The following SPMIP2 variants were observed in gnomAD, a reference collection of about 807,000 sequenced individuals.
The protein encoded by SPMIP2 is protein SPMIP2.
At chr4:158,925,347 A>C in the SPMIP2 span, among the ~76,000 whole-genome samples, 96,579 of 152,090 alleles carry the variant, frequency 0.64, 31,052 homozygotes, top group East Asian at 0.9. Flanking sequence ...CTCCCTTATA[A>C]TAATTCTTAT....
At chr4:158,995,062 A>G in the SPMIP2 span, among the ~76,000 whole-genome samples, 6 of 152,184 alleles carry the variant, frequency 3.9e-5, no homozygotes, top group African/African-American at 1.2e-4. Flanking sequence ...CTATTCTTAA[A>G]TGATAAACTT....
At chr4:159,001,556 C>T in the SPMIP2 span, among the ~76,000 whole-genome samples, 1 of 152,108 alleles carries the variant, frequency 6.6e-6, no homozygotes, top group Non-Finnish European at 1.5e-5. Context: ...TCTGTGAGTT[C>T]TCATCATTTA....
At chr4:159,048,307 G>A in the SPMIP2 span, among the ~76,000 whole-genome samples, 1 of 152,314 alleles carries the variant, frequency 6.6e-6, no homozygotes, top group African/African-American at 2.4e-5. Context: ...TAGGCAGGGC[G>A]CGCTGGAATG....
At chr4:158,904,523 T>G in the SPMIP2 span, 2 of 1,613,246 alleles carry the variant, frequency 1.2e-6, no homozygotes, top group South Asian at 2.2e-5. Context: ...ATTCTCCTTA[T>G]GTGGCTCAAA....
chr4:158,963,883 C>T, the SPMIP2 span, among the ~76,000 whole-genome samples: 1 of 152,010 alleles, frequency 6.6e-6, no homozygotes, highest in Non-Finnish European at 1.5e-5. Context: ...AGGGGTCAGC[C>T]GAGTACGGTG....
chr4:159,004,289 CTT>C, the SPMIP2 span, among the ~76,000 whole-genome samples: 281 of 78,922 alleles, frequency 3.6e-3, no homozygotes, highest in African/African-American at 0.013. Context: ...ACTCTGTGCT[CTT>C]TTTTTTTTTT....
the SPMIP2 span, among the ~76,000 whole-genome samples, chr4:158,945,364 C>T: frequency 1.3e-5 from 2 of 152,156 alleles, no homozygotes; most frequent in African/African-American, 4.8e-5. Context: ...CACTCTCCCC[C>T]TACACGAGGA....
the SPMIP2 span, among the ~76,000 whole-genome samples, chr4:159,006,599 G>A: frequency 6.6e-6 from 1 of 152,190 alleles, no homozygotes; most frequent in East Asian, 1.9e-4. Context: ...GTCATATTAC[G>A]GCTTTGAGCA....
chr4:159,072,897 T>G, the SPMIP2 span, among the ~76,000 whole-genome samples: 5 of 152,322 alleles, frequency 3.3e-5, no homozygotes, highest in South Asian at 1.0e-3. Context: ...GGCTTCCTAT[T>G]TTTTAATTGT....
At chr4:159,023,517 A>C in the SPMIP2 span, among the ~76,000 whole-genome samples, 1 of 152,174 alleles carries the variant, frequency 6.6e-6, no homozygotes, top group African/African-American at 2.4e-5. Context: ...ACTTCATCAC[A>C]CAAAAATGAC....
At chr4:158,971,632 C>T in the SPMIP2 span, among the ~76,000 whole-genome samples, 1 of 152,154 alleles carries the variant, frequency 6.6e-6, no homozygotes, top group Admixed American at 6.5e-5. Context: ...TCCTTGGGTT[C>T]TCATATATAG....
the SPMIP2 span, among the ~76,000 whole-genome samples, chr4:158,933,520 C>A: frequency 6.6e-6 from 1 of 152,080 alleles, no homozygotes; most frequent in Non-Finnish European, 1.5e-5. Context: ...CTTGGGTTGC[C>A]ATTACTTCAT....
At chr4:159,024,371 T>C in the SPMIP2 span, among the ~76,000 whole-genome samples, 1 of 152,188 alleles carries the variant, frequency 6.6e-6, no homozygotes. Context: ...TCTGAGATAA[T>C]TACTGGCAAC....
At chr4:159,008,434 T>C in the SPMIP2 span, among the ~76,000 whole-genome samples, 7 of 152,170 alleles carry the variant, frequency 4.6e-5, no homozygotes, top group African/African-American at 1.7e-4. Flanking sequence ...TTAGGTGTGG[T>C]GGCACACGCC....
the SPMIP2 span, among the ~76,000 whole-genome samples, chr4:159,072,372 T>G: frequency 6.6e-6 from 1 of 152,218 alleles, no homozygotes; most frequent in African/African-American, 2.4e-5. Context: ...AACTTGGATT[T>G]GAATGTCTCC....
the SPMIP2 span, among the ~76,000 whole-genome samples, chr4:158,896,940 C>T: frequency 2.6e-5 from 4 of 151,984 alleles, no homozygotes; most frequent in Admixed American, 6.6e-5. Flanking sequence ...TGGTTTGCTG[C>T]ACCCATCAAC....
At chr4:158,975,169 C>CTTTG in the SPMIP2 span, among the ~76,000 whole-genome samples, 98,338 of 151,478 alleles carry the variant, frequency 0.65, 31,931 homozygotes, top group East Asian at 0.73. Flanking sequence ...TTTCTTGTGA[C>CTTTG]TTTAAGTTCC....
At chr4:158,903,000 G>A in the SPMIP2 span, among the ~76,000 whole-genome samples, 1 of 152,176 alleles carries the variant, frequency 6.6e-6, no homozygotes, top group Non-Finnish European at 1.5e-5. Context: ...GAACCGTTCT[G>A]TCTCGCTAGC....
chr4:158,922,353 C>T, the SPMIP2 span, among the ~76,000 whole-genome samples: 1 of 152,164 alleles, frequency 6.6e-6, no homozygotes. Flanking sequence ...CTCTGGACCA[C>T]CACAGTCCCC....
Sources: gnomAD v4.1 joint callset for allele counts (sites outside exome capture counted in the v4.1 genomes callset) on GRCh38, gnomAD v4.1.1 for gene constraint, MANE v1.5 for transcripts, NCBI Gene and HGNC (gene_info 2026-07-23, HGNC 2026-07-21) for gene names.